Variants in LTBP1 observed in about 807,000 individuals in gnomAD.
LTBP1 encodes latent transforming growth factor beta binding protein 1, also known as latent-transforming growth factor beta-binding protein 1.
Under a neutral mutation model 207.6 loss-of-function variants are expected in LTBP1, and 129 were observed. The ratio of observed to expected loss-of-function variants is 0.62; its 90% CI spans 0.54 to 0.72. The LOEUF is 0.72. Among genes scored for constraint, LTBP1 ranks in the 30% least tolerant of loss-of-function variants. The pLI is 0.00. For synonymous variants in LTBP1, 963 were observed against 833.7 expected, an observed-to-expected ratio of 1.16 and a Z score of -2.67; for missense variants, 2,281 against 2,217.2, an observed-to-expected ratio of 1.03 and a Z score of -0.58.
chr2:32,974,171 C>T (rs1681348309), intron 2 of LTBP1, among the ~76,000 whole-genome samples: 1 of 152,152 alleles, frequency 6.6e-6, no homozygotes, highest in Non-Finnish European at 1.5e-5. Flanking sequence ...TTTGAGGAAC[C>T]TCCAAACTGT....
rs746547825 is a variant in LTBP1, at chr2:33,053,711, GA to G, written c.863+32506del. On this transcript the variant is annotated intron_variant, in intron 3 of 33. Transcript: ENST00000404816. The stretch of plus-strand genomic sequence containing the variant: ...GTATAGGCTTTATTCATTCCTTGCT[GA>G]GGGCCCTGGTCCCTCTGGCTAAGAT... Among the ~76,000 whole-genome samples, 110 of 152,274 alleles carry G rather than the reference GA, an allele frequency of 7.2e-4. 2 individuals are homozygous for G. Among genetic ancestry groups the G allele is most frequent in the Admixed American group, 4.2e-3 (64 of 15,302 alleles).
intron 3 of LTBP1, among the ~76,000 whole-genome samples, chr2:33,073,039 C>A (rs2077881459): frequency 6.6e-6 from 1 of 152,200 alleles, no homozygotes; most frequent in Non-Finnish European, 1.5e-5. Context: ...AACGTGACCA[C>A]TGAACATGGT....
chr2:33,137,835 GC>G (rs2082268136), intron 5 of LTBP1, among the ~76,000 whole-genome samples: 1 of 152,114 alleles, frequency 6.6e-6, no homozygotes, highest in African/African-American at 2.4e-5. Flanking sequence ...AGTTAGCTAT[GC>G]CTAGAACCTA....
intron 5 of LTBP1, among the ~76,000 whole-genome samples, chr2:33,156,059 G>T (rs1210226618): frequency 2.0e-5 from 3 of 152,282 alleles, no homozygotes; most frequent in East Asian, 3.9e-4. Context: ...AGTCTCTTCC[G>T]TATGCCCAGC....
intron 28 of LTBP1, among the ~76,000 whole-genome samples, chr2:33,362,536 C>T (rs1035725652): frequency 6.6e-6 from 1 of 152,034 alleles, no homozygotes; most frequent in Non-Finnish European, 1.5e-5. Context: ...AAATAAATTC[C>T]TTGTCTTCCT....
intron 7 of LTBP1, among the ~76,000 whole-genome samples, chr2:33,216,983 A>G (rs2090762176): frequency 6.6e-6 from 1 of 152,212 alleles, no homozygotes; most frequent in African/African-American, 2.4e-5. Context: ...TCCCTGGGTC[A>G]GAATACTTGG....
chr2:33,289,820 C>T (rs1378923381), intron 19 of LTBP1, among the ~76,000 whole-genome samples: 1 of 152,116 alleles, frequency 6.6e-6, no homozygotes, highest in Non-Finnish European at 1.5e-5. Flanking sequence ...AAATTTTGAG[C>T]TCTACCATGA....
intron 20 of LTBP1, among the ~76,000 whole-genome samples, chr2:33,297,453 A>G (rs1573689881): frequency 6.9e-6 from 1 of 144,574 alleles, no homozygotes; most frequent in Non-Finnish European, 1.5e-5. Context: ...ATTTATTGAG[A>G]TGGAGTCTCG....
At chr2:33,150,690 CTTTTTTCTTTTTTCTTTTTCTTT>C (rs2083439676) in intron 5 of LTBP1, among the ~76,000 whole-genome samples, 2 of 116,798 alleles carry the variant, frequency 1.7e-5, no homozygotes, top group Non-Finnish European at 3.7e-5. Context: ...GCTTTCTTTT[CTTTTTTCTTTTTTCTTTTTCTTT>C]TTTTTTTTTT....
At chr2:33,183,736 C>G (rs2086900171) in intron 5 of LTBP1, among the ~76,000 whole-genome samples, 1 of 152,178 alleles carries the variant, frequency 6.6e-6, no homozygotes. Flanking sequence ...CCAGTGTAGC[C>G]AAACTGTGGT....
intron 15 of LTBP1, among the ~76,000 whole-genome samples, chr2:33,268,530 G>A (rs1014165875): frequency 3.9e-5 from 6 of 152,192 alleles, no homozygotes; most frequent in East Asian, 1.9e-4. Flanking sequence ...CAGGAAATAC[G>A]TGTGATGTTT....
intron 7 of LTBP1, among the ~76,000 whole-genome samples, chr2:33,199,371 T>A (rs555456646): frequency 8.5e-5 from 13 of 152,326 alleles, no homozygotes; most frequent in Admixed American, 5.9e-4. Context: ...AAAATGTATA[T>A]TCTGTTGATT....
intron 3 of LTBP1, among the ~76,000 whole-genome samples, chr2:33,026,934 G>A (rs2075443743): frequency 6.6e-6 from 1 of 152,190 alleles, no homozygotes; most frequent in African/African-American, 2.4e-5. Context: ...CTTAGACTCA[G>A]CCATCTTCCT....
intron 19 of LTBP1, among the ~76,000 whole-genome samples, chr2:33,280,578 AG>A (rs1478577842): frequency 1.2e-4 from 19 of 152,246 alleles, no homozygotes; most frequent in Non-Finnish European, 2.5e-4. Flanking sequence ...TGAGGAAGAC[AG>A]AGTAATGTAT....
chr2:33,372,455 A>G (rs1306651422), intron 31 of LTBP1, among the ~76,000 whole-genome samples: 1 of 152,262 alleles, frequency 6.6e-6, no homozygotes, highest in Non-Finnish European at 1.5e-5. Flanking sequence ...ACAAAAAACT[A>G]TATATTCAAT....
intron 3 of LTBP1, among the ~76,000 whole-genome samples, chr2:33,050,107 G>C (rs905713125): frequency 8.6e-5 from 13 of 150,480 alleles, no homozygotes; most frequent in Non-Finnish European, 1.3e-4. Context: ...GCCTCCCAAA[G>C]TGCTGGGATT....
intron 31 of LTBP1, among the ~76,000 whole-genome samples, chr2:33,380,288 C>T (rs1188126664): frequency 6.6e-6 from 1 of 151,990 alleles, no homozygotes; most frequent in Non-Finnish European, 1.5e-5. Context: ...AGAATGTTTT[C>T]TGCTCAGGCC....
At chr2:33,175,411 C>T (rs937468592) in intron 5 of LTBP1, among the ~76,000 whole-genome samples, 49 of 152,060 alleles carry the variant, frequency 3.2e-4, no homozygotes, top group African/African-American at 9.4e-4. Flanking sequence ...AAATGCTCAT[C>T]ATCACTGGCC....
intron 2 of LTBP1, among the ~76,000 whole-genome samples, chr2:32,988,779 AT>A (rs1683978173): frequency 6.6e-6 from 1 of 152,222 alleles, no homozygotes; most frequent in African/African-American, 2.4e-5. Context: ...AATTTACTGA[AT>A]GCTGCAGTGA....
Sources: gnomAD v4.1 joint callset for allele counts (sites outside exome capture counted in the v4.1 genomes callset) on GRCh38, gnomAD v4.1.1 for gene constraint, MANE v1.5 for transcripts, NCBI Gene and HGNC (gene_info 2026-07-23, HGNC 2026-07-21) for gene names.